The following FAT3 variants were observed in gnomAD, a reference collection of about 807,000 sequenced individuals.
FAT3 encodes the protein protocadherin Fat 3.
In FAT3, 95 loss-of-function variants were observed where a neutral mutation model predicts 310.2. The observed-to-expected ratio is 0.31, with a 90% CI of 0.26 to 0.36. The LOEUF is 0.36. Among genes scored for constraint, FAT3 ranks in the 10% least tolerant of loss-of-function variants. The pLI is 1.00. For missense variants in FAT3, 5,408 were observed against 5,715.6 expected (o/e 0.95, Z 1.74); for synonymous variants, 2,314 against 2,192.9 (o/e 1.06, Z -1.54).
At chr11:92,476,714 A>C (rs975325512) in intron 2 of FAT3, among the ~76,000 whole-genome samples, 7 of 152,222 alleles carry the variant, frequency 4.6e-5, no homozygotes, top group South Asian at 2.1e-4. Context: ...TTGGGGAAAG[A>C]AATCAACATG....
intron 3 of FAT3, among the ~76,000 whole-genome samples, chr11:92,529,220 T>C (rs868799323): frequency 6.6e-6 from 1 of 151,812 alleles, no homozygotes; most frequent in African/African-American, 2.4e-5. Flanking sequence ...AAAAAAAGAG[T>C]GGAGCTTTGT....
At chr11:92,285,392 C>T (rs1228036539) in intron 1 of FAT3, among the ~76,000 whole-genome samples, 3 of 152,024 alleles carry the variant, frequency 2.0e-5, no homozygotes, top group African/African-American at 4.8e-5. Context: ...AATGGTTAGT[C>T]GTTCTATTGT....
chr11:92,685,022 A>G (rs1052101264), intron 3 of FAT3, among the ~76,000 whole-genome samples: 11 of 152,170 alleles, frequency 7.2e-5, no homozygotes, highest in African/African-American at 2.4e-4. Context: ...CCATCTTGAT[A>G]TGTATCGTGG....
intron 2 of FAT3, among the ~76,000 whole-genome samples, chr11:92,355,883 A>G (rs377359039): frequency 2.0e-5 from 3 of 152,114 alleles, no homozygotes; most frequent in African/African-American, 7.2e-5. Flanking sequence ...TTTATCTTTC[A>G]TGGGTTCATC....
chr11:92,490,820 G>A (rs1030414507), intron 2 of FAT3, among the ~76,000 whole-genome samples: 3 of 152,074 alleles, frequency 2.0e-5, no homozygotes, highest in African/African-American at 4.8e-5. Flanking sequence ...GAAAGGGGCT[G>A]CTGATCTTGC....
chr11:92,596,863 T>G (rs77262399), intron 3 of FAT3, among the ~76,000 whole-genome samples: 4,189 of 152,226 alleles, frequency 0.028, 211 homozygotes, highest in African/African-American at 0.095. Flanking sequence ...TACTAAGAGT[T>G]TGTGAATTTC....
intron 1 of FAT3, among the ~76,000 whole-genome samples, chr11:92,339,077 A>C (rs527337654): frequency 1.4e-4 from 21 of 152,166 alleles, no homozygotes. Context: ...TTTTCTATTA[A>C]TATATCATTG....
At chr11:92,604,844 G>A (rs753926098) in intron 3 of FAT3, among the ~76,000 whole-genome samples, 4 of 152,208 alleles carry the variant, frequency 2.6e-5, no homozygotes, top group Non-Finnish European at 5.9e-5. Context: ...AGATCAGGCA[G>A]GTCTGGGTTC....
chr11:92,734,924 A>G (rs1945298908), intron 4 of FAT3, among the ~76,000 whole-genome samples: 1 of 152,132 alleles, frequency 6.6e-6, no homozygotes, highest in Non-Finnish European at 1.5e-5. Flanking sequence ...GAGGCTATAG[A>G]CCAGGTCTAG....
intron 3 of FAT3, among the ~76,000 whole-genome samples, chr11:92,584,245 A>G (rs1315063396): frequency 1.3e-5 from 2 of 151,806 alleles, no homozygotes; most frequent in African/African-American, 4.8e-5. Context: ...CATAGCTTCA[A>G]CTCCCCCAGG....
intron 3 of FAT3, among the ~76,000 whole-genome samples, chr11:92,592,714 A>T (rs2135563319): frequency 6.6e-6 from 1 of 152,272 alleles, no homozygotes; most frequent in South Asian, 2.1e-4. Context: ...ATAACTGAAA[A>T]TTTGAGCACT....
chr11:92,816,783 C>G (rs901856815), intron 13 of FAT3, among the ~76,000 whole-genome samples: 1 of 152,066 alleles, frequency 6.6e-6, no homozygotes, highest in African/African-American at 2.4e-5. Context: ...CAAGACCAGC[C>G]TGACCAACAT....
At chr11:92,515,743 A>AT (rs1332359423) in intron 2 of FAT3, among the ~76,000 whole-genome samples, 1 of 152,084 alleles carries the variant, frequency 6.6e-6, no homozygotes, top group African/African-American at 2.4e-5. Flanking sequence ...TGAATGAGGG[A>AT]TTTTAAAGAA....
intron 3 of FAT3, 63 bp from the exon 4 acceptor site, chr11:92,697,321 C>A: frequency 6.7e-7 from 1 of 1,493,616 alleles, no homozygotes; most frequent in African/African-American, 1.4e-5. Context: ...GACTTGTTTC[C>A]CCACACTCAG....
intron 1 of FAT3, among the ~76,000 whole-genome samples, chr11:92,267,927 T>C (rs1242396078): frequency 6.6e-6 from 1 of 152,078 alleles, no homozygotes; most frequent in Non-Finnish European, 1.5e-5. Flanking sequence ...TTGAATGAAG[T>C]AGCGCTTTGT....
At chr11:92,315,512 T>TATATATAGAGAG (rs1353970811) in intron 1 of FAT3, among the ~76,000 whole-genome samples, 43 of 56,168 alleles carry the variant, frequency 7.7e-4, no homozygotes, top group Non-Finnish European at 1.1e-3. Context: ...TATATATATA[T>TATATATAGAGAG]AGAGAGAGAG....
In FAT3 at chr11:92,710,898, G is replaced by A. The variant is rs151136300; in HGVS notation, c.3669+13453G>A. Reference sequence around the variant, plus strand: ...CACACCTAGGTGAAAGGGAGAAAAAGCCTATTCCAAAACTCCTCTTTTAGA... The same window carrying A: ...CACACCTAGGTGAAAGGGAGAAAAAACCTATTCCAAAACTCCTCTTTTAGA... On this transcript the variant is annotated intron_variant, in intron 4 of 27. Coordinates refer to ENST00000525166, the MANE Select transcript of FAT3 (RefSeq NM_001367949.2). Among the ~76,000 whole-genome samples the A allele has an allele frequency of 8.6e-3, 1,313 of 152,266 alleles. 19 individuals carry two copies. The highest frequency in any genetic ancestry group is 0.03 in the African/African-American group (1,240 of 41,544).
In FAT3 at chr11:92,719,720, C is replaced by CTGTGTGTG. The variant is rs751825746; in HGVS notation, c.3669+22319_3669+22326dup. Among the ~76,000 whole-genome samples the CTGTGTGTG allele has an allele frequency of 4.0e-3, 548 of 136,844 alleles. 2 individuals carry two copies. Among genetic ancestry groups the CTGTGTGTG allele is most frequent in the East Asian group, 0.023 (105 of 4,522 alleles). The allele number at this position is 136,844 out of a possible 152,430, so 89.8% of individuals were successfully genotyped here. ...ACCCATGGATACAGGAGAACCAACT[C>CTGTGTGTG]TGTGTGTGTGTGTGTGTGTGTGTGT... On this transcript the variant is annotated intron_variant, in intron 4 of 27. Coordinates refer to ENST00000525166, the MANE Select transcript of FAT3 (RefSeq NM_001367949.2).
chr11:92,618,517 C>A (rs1200291760), intron 3 of FAT3, among the ~76,000 whole-genome samples: 1 of 152,176 alleles, frequency 6.6e-6, no homozygotes, highest in Non-Finnish European at 1.5e-5. Flanking sequence ...GAACCCAGTA[C>A]CTCAGCTGGA....
Sources: allele counts gnomAD v4.1 joint callset (sites outside exome capture counted in the v4.1 genomes callset), GRCh38; gene constraint gnomAD v4.1.1; transcripts MANE v1.5; gene names NCBI Gene and HGNC (gene_info 2026-07-23, HGNC 2026-07-21).